GABRA3: variants seen among roughly 807,000 people sequenced by gnomAD.
The protein encoded by GABRA3 is gamma-aminobutyric acid receptor subunit alpha-3.
In GABRA3, 10 loss-of-function variants were observed where a neutral mutation model predicts 30.1. That is an observed-to-expected ratio of 0.33 (90% confidence interval 0.20 to 0.56). The LOEUF is 0.56. GABRA3 is among the 20% of genes least tolerant of loss of function. The pLI, the probability that GABRA3 is intolerant of heterozygous loss-of-function variation, is 0.89. For synonymous variants in GABRA3, 151 were observed against 146.8 expected, an observed-to-expected ratio of 1.03 and a Z score of -0.21; for missense variants, 233 against 392.0, an observed-to-expected ratio of 0.59 and a Z score of 3.42.
chrX:152,410,540 A>G (rs1186271080), intron 1 of GABRA3, among the ~76,000 whole-genome samples: 4 of 111,449 alleles, frequency 3.6e-5, no homozygotes, highest in Admixed American at 1.9e-4. Context: ...TATATTTAAA[A>G]AACAAAAACA....
intron 5 of GABRA3, among the ~76,000 whole-genome samples, chrX:152,228,722 T>C (rs904500610): frequency 2.7e-5 from 3 of 111,426 alleles, no homozygotes; most frequent in South Asian, 3.8e-4. Context: ...TGGTGGAGCA[T>C]TGCAGGCTAG....
At chrX:152,225,363 A>C (rs1937922354) in intron 5 of GABRA3, among the ~76,000 whole-genome samples, 1 of 108,796 alleles carries the variant, frequency 9.2e-6, no homozygotes, top group Non-Finnish European at 1.9e-5. Context: ...GTTGAAAGAG[A>C]TGGCTCTTGA....
intron 1 of GABRA3, among the ~76,000 whole-genome samples, chrX:152,407,344 C>CA (rs1487170760): frequency 9.1e-6 from 1 of 109,667 alleles, no homozygotes. Context: ...AACTAACTTA[C>CA]AAAAAAAGGA....
Position 152,189,898 on chromosome X carries a change from G to A in GABRA3, c.975C>T (p.Ala325=), listed in dbSNP as rs1373390619. ...VLTMTTLSIS[A]RNSLPKVAYA... ...ATGCCACTTTAGGTAAGGAATTTCT[G>A]GCACTGATACTCAAGGTGGTCATGG... The change falls in exon 9 of 10, where the codon GCC becomes GCT. Residue 325 remains alanine, a synonymous_variant. Coordinates refer to ENST00000370314, the MANE Select transcript of GABRA3 (RefSeq NM_000808.4). 3 of 1,207,653 alleles carry A rather than the reference G, an allele frequency of 2.5e-6. No homozygotes were observed. The highest frequency in any genetic ancestry group is 3.4e-6 in the Non-Finnish European group (3 of 894,245).
chrX:152,415,054 T>C (rs1930176162), intron 1 of GABRA3, among the ~76,000 whole-genome samples: 3 of 110,916 alleles, frequency 2.7e-5, no homozygotes, highest in Admixed American at 1.9e-4. Flanking sequence ...TGGGGATTGT[T>C]AGGGCAATGA....
At chrX:152,430,108 A>G (rs966162466) in intron 1 of GABRA3, among the ~76,000 whole-genome samples, 1 of 112,219 alleles carries the variant, frequency 8.9e-6, no homozygotes, top group Non-Finnish European at 1.9e-5. Context: ...CACACAGGAA[A>G]AAAATCCCCC....
intron 5 of GABRA3, among the ~76,000 whole-genome samples, chrX:152,236,583 A>G (rs1331987888): frequency 9.7e-6 from 1 of 103,120 alleles, no homozygotes; most frequent in Non-Finnish European, 2.0e-5. Flanking sequence ...GACTTCCACA[A>G]TGGTTGAACT....
chrX:152,348,751 G>C (rs1245371446), intron 2 of GABRA3, among the ~76,000 whole-genome samples: 1 of 112,115 alleles, frequency 8.9e-6, no homozygotes, highest in Non-Finnish European at 1.9e-5. Flanking sequence ...ACTCTATTAA[G>C]TGTTCAATAG....
chrX:152,269,852 T>A (rs193174800), intron 4 of GABRA3, among the ~76,000 whole-genome samples: 2 of 111,953 alleles, frequency 1.8e-5, no homozygotes, highest in African/African-American at 6.5e-5. Context: ...TCAAAATGGA[T>A]TGAAGACTTA....
At chrX:152,377,722 A>G (rs1443969426) in intron 1 of GABRA3, among the ~76,000 whole-genome samples, 1 of 111,982 alleles carries the variant, frequency 8.9e-6, no homozygotes, top group East Asian at 2.8e-4. Flanking sequence ...ACCATGTTGT[A>G]GTTTTGACAG....
At chrX:152,241,304 C>T (rs1429616417) in intron 5 of GABRA3, among the ~76,000 whole-genome samples, 1 of 79,960 alleles carries the variant, frequency 1.3e-5, no homozygotes, top group Non-Finnish European at 3.3e-5. Flanking sequence ...CCCAGTTAGG[C>T]TGCTCAGGGG....
intron 3 of GABRA3, among the ~76,000 whole-genome samples, chrX:152,298,271 A>T (rs906481599): frequency 9.0e-6 from 1 of 111,047 alleles, no homozygotes; most frequent in Admixed American, 9.6e-5. Flanking sequence ...CATGTGCACA[A>T]CGTGCAGGTT....
intron 1 of GABRA3, among the ~76,000 whole-genome samples, chrX:152,371,921 C>T (rs749406106): frequency 9.0e-6 from 1 of 111,403 alleles, no homozygotes; most frequent in South Asian, 3.8e-4. Flanking sequence ...ATATCAAAGC[C>T]ATCCCTATCC....
intron 1 of GABRA3, among the ~76,000 whole-genome samples, chrX:152,449,362 T>C (rs747574206): frequency 5.4e-5 from 6 of 111,970 alleles, no homozygotes; most frequent in Non-Finnish European, 9.4e-5. Flanking sequence ...AGTAGAGAAA[T>C]AAAGCTTAAT....
At chrX:152,389,935 T>C (rs1468732452) in intron 1 of GABRA3, among the ~76,000 whole-genome samples, 3 of 110,651 alleles carry the variant, frequency 2.7e-5, no homozygotes, top group African/African-American at 9.9e-5. Flanking sequence ...AAAAAAAATA[T>C]AGGAGCAGAG....
chrX:152,317,089 C>G (rs1939889379), intron 3 of GABRA3, among the ~76,000 whole-genome samples: 1 of 111,752 alleles, frequency 8.9e-6, no homozygotes, highest in Non-Finnish European at 1.9e-5. Context: ...ATTCACCAAC[C>G]AAGTATCTGC....
chrX:152,234,646 T>A (rs1410052428), intron 5 of GABRA3, among the ~76,000 whole-genome samples: 1 of 111,528 alleles, frequency 9.0e-6, no homozygotes, highest in Non-Finnish European at 1.9e-5. Context: ...TAAATTTTTG[T>A]ATATGGTAAA....
chrX:152,436,305 C>T (rs756128895), intron 1 of GABRA3, among the ~76,000 whole-genome samples: 1 of 112,118 alleles, frequency 8.9e-6, no homozygotes, highest in African/African-American at 3.2e-5. Context: ...TACGAAAATG[C>T]TATTGCAGTT....
At chrX:152,224,623 C>T (rs939646881) in intron 6 of GABRA3, 140 bp downstream of exon 6, 4 of 394,580 alleles carry the variant, frequency 1.0e-5, no homozygotes, top group Non-Finnish European at 1.3e-5. Flanking sequence ...CTCAACCCCA[C>T]TCTCTGACCC....
Sources: gnomAD v4.1 joint callset for allele counts (sites outside exome capture counted in the v4.1 genomes callset) on GRCh38, gnomAD v4.1.1 for gene constraint, MANE v1.5 for transcripts, NCBI Gene and HGNC (gene_info 2026-07-23, HGNC 2026-07-21) for gene names.